Variants in PTPRT observed in about 807,000 individuals in gnomAD.
PTPRT encodes the protein receptor-type tyrosine-protein phosphatase T.
A neutral mutation model predicts 176.8 loss-of-function variants in PTPRT; 56 were observed. That is an observed-to-expected ratio of 0.32 (90% CI 0.26 to 0.40). The LOEUF (loss-of-function observed/expected upper bound fraction) is 0.40, where lower values mean the gene tolerates loss of function less well. Among genes scored for constraint, PTPRT ranks in the 10% least tolerant of loss-of-function variants. The probability of loss-of-function intolerance (pLI) is 1.00; values close to 1 mark genes in which losing one functional copy is unlikely to be tolerated. For synonymous variants in PTPRT, 783 were observed against 739.0 expected (o/e 1.06, Z -0.96); for missense variants, 1,540 against 1,908.2 (o/e 0.81, Z 3.60).
chr20:42,963,194 G>A (rs930850274), intron 1 of PTPRT, among the ~76,000 whole-genome samples: 9 of 149,304 alleles, frequency 6.0e-5, no homozygotes, highest in South Asian at 2.1e-4. Context: ...GCAAGACTCC[G>A]TCTCAAAAAA....
intron 2 of PTPRT, among the ~76,000 whole-genome samples, chr20:42,820,428 G>A (rs1305296836): frequency 6.6e-6 from 1 of 152,088 alleles, no homozygotes; most frequent in African/African-American, 2.4e-5. Flanking sequence ...AGTGTTAAGA[G>A]GGAAATTTAT....
chr20:42,363,860 G>C (rs910137301), intron 9 of PTPRT, among the ~76,000 whole-genome samples: 2 of 152,118 alleles, frequency 1.3e-5, no homozygotes, highest in African/African-American at 4.8e-5. Flanking sequence ...GAATCCACCT[G>C]CTTAACCTTG....
chr20:42,287,192 C>T (rs896052100), intron 12 of PTPRT, among the ~76,000 whole-genome samples: 6 of 151,852 alleles, frequency 4.0e-5, no homozygotes. Flanking sequence ...CTCAAAAAAA[C>T]TATAAATAGA....
chr20:42,834,696 C>T (rs2078151337), intron 2 of PTPRT, among the ~76,000 whole-genome samples: 1 of 152,076 alleles, frequency 6.6e-6, no homozygotes, highest in Non-Finnish European at 1.5e-5. Flanking sequence ...CGTACCCCAC[C>T]ACCCTTTTTC....
At chr20:42,842,259 A>G (rs1437820585) in intron 2 of PTPRT, among the ~76,000 whole-genome samples, 5 of 152,212 alleles carry the variant, frequency 3.3e-5, no homozygotes, top group Non-Finnish European at 4.4e-5. Flanking sequence ...CCAAAGCTCC[A>G]GGAGACATGC....
At chr20:42,634,933 A>G (rs1439306026) in intron 7 of PTPRT, among the ~76,000 whole-genome samples, 3 of 152,076 alleles carry the variant, frequency 2.0e-5, no homozygotes, top group Non-Finnish European at 4.4e-5. Context: ...TTCCAAAGCC[A>G]TTTCCATTTC....
At chr20:43,160,004 A>C (rs1408699300) in intron 1 of PTPRT, among the ~76,000 whole-genome samples, 2 of 26,824 alleles carry the variant, frequency 7.5e-5, no homozygotes, top group Non-Finnish European at 4.7e-4. Context: ...TCCCCCTGCA[A>C]AAAAAAAAAA....
intron 19 of PTPRT, among the ~76,000 whole-genome samples, chr20:42,122,827 T>A (rs1207317165): frequency 6.6e-6 from 1 of 152,198 alleles, no homozygotes; most frequent in Non-Finnish European, 1.5e-5. Flanking sequence ...GGACTAGTCA[T>A]CTGTCTCCAT....
At chr20:42,910,658 G>A (rs951716869) in intron 1 of PTPRT, among the ~76,000 whole-genome samples, 3 of 151,982 alleles carry the variant, frequency 2.0e-5, no homozygotes, top group African/African-American at 7.3e-5. Context: ...TTTTCTCCAC[G>A]CAGCCTTGGT....
At chr20:43,128,299 T>C (rs2013520540) in intron 1 of PTPRT, among the ~76,000 whole-genome samples, 1 of 152,138 alleles carries the variant, frequency 6.6e-6, no homozygotes, top group African/African-American at 2.4e-5. Context: ...CGTCAGAAAA[T>C]TTTTAATAAG....
chr20:42,893,378 T>C (rs2079229680), intron 1 of PTPRT, among the ~76,000 whole-genome samples: 1 of 152,040 alleles, frequency 6.6e-6, no homozygotes, highest in African/African-American at 2.4e-5. Context: ...CTGGAGAGGA[T>C]GTGGAGAAAT....
At chr20:42,965,913 T>C (rs565427973) in intron 1 of PTPRT, among the ~76,000 whole-genome samples, 42 of 152,342 alleles carry the variant, frequency 2.8e-4, no homozygotes, top group African/African-American at 9.9e-4. Flanking sequence ...ACAACAACAG[T>C]AATATTCAAT....
At chr20:43,157,572 G>A (rs1407225129) in intron 1 of PTPRT, among the ~76,000 whole-genome samples, 1 of 152,204 alleles carries the variant, frequency 6.6e-6, no homozygotes, top group East Asian at 1.9e-4. Flanking sequence ...GTGGGGGAAG[G>A]AGACTCACTA....
intron 15 of PTPRT, among the ~76,000 whole-genome samples, chr20:42,217,976 C>G (rs929781734): frequency 3.3e-5 from 5 of 152,222 alleles, no homozygotes; most frequent in Non-Finnish European, 7.3e-5. Context: ...AAAGGTTAAT[C>G]CTAAACTCGT....
chr20:43,031,982 A>C (rs904724418), intron 1 of PTPRT, among the ~76,000 whole-genome samples: 1 of 152,174 alleles, frequency 6.6e-6, no homozygotes, highest in African/African-American at 2.4e-5. Flanking sequence ...AAGGGAGCTC[A>C]GTGAAGACTG....
In PTPRT at chr20:43,005,772, T is replaced by C. The variant is rs894817701; in HGVS notation, c.89-119840A>G. 9.2e-5 allele frequency among the ~76,000 whole-genome samples: 14 copies of C among 152,126 alleles called. 1 individual carries two copies. Among genetic ancestry groups the C allele is most frequent in the African/African-American group, 3.4e-4 (14 of 41,432 alleles). On this transcript the variant is annotated intron_variant, in intron 1 of 30. Transcript: ENST00000373187. The stretch of plus-strand genomic sequence containing the variant: ...ATGTGAACACAATTTGGACAGCAGA[T>C]CAAAAACCTTATACAATTTTAAAAG...
chr20:42,343,273 CA>C (rs2058138951), intron 11 of PTPRT, among the ~76,000 whole-genome samples: 1 of 152,200 alleles, frequency 6.6e-6, no homozygotes, highest in African/African-American at 2.4e-5. Context: ...GAAATGTCCT[CA>C]TAGACTCTTC....
At chr20:42,276,545 A>ATATATATATATATATT (rs2057040160) in intron 13 of PTPRT, among the ~76,000 whole-genome samples, 2 of 63,396 alleles carry the variant, frequency 3.2e-5, no homozygotes, top group Admixed American at 1.7e-4. Flanking sequence ...ATATATATAT[A>ATATATATATATATATT]TATATATATA....
chr20:43,004,824 A>G (rs1258087437), intron 1 of PTPRT, among the ~76,000 whole-genome samples: 1 of 152,206 alleles, frequency 6.6e-6, no homozygotes, highest in Non-Finnish European at 1.5e-5. Context: ...CTCTTGAAAT[A>G]TTTATTTCAC....
Sources: gnomAD v4.1 joint callset for allele counts (sites outside exome capture counted in the v4.1 genomes callset) on GRCh38, gnomAD v4.1.1 for gene constraint, MANE v1.5 for transcripts, NCBI Gene and HGNC (gene_info 2026-07-23, HGNC 2026-07-21) for gene names.